The following NTM variants were observed in gnomAD, a reference collection of about 807,000 sequenced individuals.
The protein encoded by NTM is IgLON family member 2.
Under a neutral mutation model 42.1 loss-of-function variants are expected in NTM, and 13 were observed. The ratio of observed to expected loss-of-function variants is 0.31; its 90% CI spans 0.20 to 0.49. The LOEUF is 0.49. NTM is among the 20% of genes least tolerant of loss of function. The pLI, the probability that NTM is intolerant of heterozygous loss-of-function variation, is 0.99. For missense variants in NTM, 373 were observed against 452.8 expected (o/e 0.82, Z 1.60); for synonymous variants, 187 against 179.2 (o/e 1.04, Z -0.35).
intron 1 of NTM, among the ~76,000 whole-genome samples, chr11:131,686,748 C>G (rs1233135922): frequency 6.6e-6 from 1 of 152,188 alleles, no homozygotes; most frequent in Admixed American, 6.5e-5. Flanking sequence ...ACGGCCATAA[C>G]GAGGCTGGCC....
chr11:131,573,777 G>A (rs318956), intron 1 of NTM, among the ~76,000 whole-genome samples: 82,143 of 151,916 alleles, frequency 0.54, 22,462 homozygotes, highest in South Asian at 0.68. Context: ...CCTTTCTCTT[G>A]AAGAGTGAGA....
Position 131,976,116 on chromosome 11 carries a change from A to ATTCCTTCCTTCCTTCCTTCCTTCC in NTM, c.167+64487_167+64510dup, listed in dbSNP as rs373955090. On this transcript the variant is annotated intron_variant, in intron 2 of 8. Coordinates refer to ENST00000683400, the MANE Select transcript of NTM (RefSeq NM_001352005.2). ...CCCTCCTTCCCTCCCTCCCTCCCTC[A>ATTCCTTCCTTCCTTCCTTCCTTCC]TTCCTTCCTTCCTTCCTTCCTTCCT... 9.4e-4 allele frequency among the ~76,000 whole-genome samples: 116 copies of ATTCCTTCCTTCCTTCCTTCCTTCC among 123,866 alleles called. 3 individuals are homozygous for ATTCCTTCCTTCCTTCCTTCCTTCC. The highest frequency in any genetic ancestry group is 2.9e-3 in the East Asian group (11 of 3,836). 81.3% of individuals were successfully genotyped at this position (123,866 alleles called of 152,430 possible).
At chr11:132,322,222 A>G (rs1371946628) in intron 7 of NTM, among the ~76,000 whole-genome samples, 2 of 152,226 alleles carry the variant, frequency 1.3e-5, no homozygotes, top group Admixed American at 1.3e-4. Context: ...CAATTAAAAG[A>G]CACAGACTGA....
At chr11:132,273,243 G>T (rs2093565786) in intron 4 of NTM, among the ~76,000 whole-genome samples, 1 of 148,858 alleles carries the variant, frequency 6.7e-6, no homozygotes, top group African/African-American at 2.5e-5. Flanking sequence ...TTGCATTCCT[G>T]GTAGAAATTC....
intron 1 of NTM, among the ~76,000 whole-genome samples, chr11:131,718,736 C>G (rs1565463975): frequency 6.6e-6 from 1 of 152,098 alleles, no homozygotes; most frequent in Non-Finnish European, 1.5e-5. Context: ...TCTGAGCACT[C>G]TAATGTTCTT....
chr11:131,470,129 C>A (rs1348811046), intron 1 of NTM, among the ~76,000 whole-genome samples: 1 of 152,184 alleles, frequency 6.6e-6, no homozygotes, highest in Admixed American at 6.5e-5. Context: ...ATAGTATGAC[C>A]CTCACGTTAT....
chr11:132,038,554 G>A (rs2076786609), intron 2 of NTM, among the ~76,000 whole-genome samples: 1 of 152,144 alleles, frequency 6.6e-6, no homozygotes, highest in South Asian at 2.1e-4. Flanking sequence ...TTTCCTCCTG[G>A]GGCTGTTTAG....
chr11:131,538,193 C>T (rs1287069737), intron 1 of NTM: 2 of 152,186 alleles, frequency 1.3e-5, no homozygotes, highest in African/African-American at 4.8e-5. Context: ...TACCCTCCCT[C>T]CCCTGTTCCC....
At chr11:132,193,693 G>T (rs1054679982) in intron 3 of NTM, among the ~76,000 whole-genome samples, 1 of 151,762 alleles carries the variant, frequency 6.6e-6, no homozygotes, top group African/African-American at 2.4e-5. Context: ...ATTGAGATGC[G>T]AAAATCCATA....
At chr11:132,085,227 A>G (rs998792048) in intron 2 of NTM, among the ~76,000 whole-genome samples, 37 of 152,312 alleles carry the variant, frequency 2.4e-4, no homozygotes, top group African/African-American at 8.7e-4. Context: ...GTTCTTATAC[A>G]CCTTGCATGT....
intron 1 of NTM, among the ~76,000 whole-genome samples, chr11:131,899,329 CA>C (rs2052768706): frequency 6.6e-6 from 1 of 152,182 alleles, no homozygotes; most frequent in Non-Finnish European, 1.5e-5. Flanking sequence ...TTCTCCTCCT[CA>C]GGGGGCATTT....
At position 131,421,064 on chromosome 11, in the gene NTM, C is replaced by A. The variant is rs76665505; in HGVS notation, c.82+50176C>A. ...CTGGAGTCCAGCACGCAGGCCCCTG[C>A]GGGTGTGAGATGGGCTGGAAGCTTG... is the stretch of plus-strand genomic sequence containing the variant. On this transcript the variant is annotated intron_variant, in intron 1 of 8. Transcript: ENST00000683400. Among the ~76,000 whole-genome samples, 1,400 of 152,210 alleles carry A rather than the reference C, an allele frequency of 9.2e-3. 13 individuals are homozygous for A. Among genetic ancestry groups the A allele is most frequent in the African/African-American group, 0.032 (1,324 of 41,548 alleles).
At chr11:132,302,050 A>G (rs1457768426) in intron 4 of NTM, among the ~76,000 whole-genome samples, 1 of 152,174 alleles carries the variant, frequency 6.6e-6, no homozygotes, top group Non-Finnish European at 1.5e-5. Context: ...AAGGGATGTT[A>G]TGCACACAAG....
chr11:132,274,325 C>T lies in NTM; in HGVS notation c.527-33364C>T, dbSNP rs1211609647. On this transcript the variant is annotated intron_variant, in intron 4 of 8. Coordinates refer to ENST00000683400, the MANE Select transcript of NTM (RefSeq NM_001352005.2). ...TAGGTTATTGATTTAAGGTCACTCTCTTTTTTTTAATATTATAGACATTTA... is the reference window on the plus strand; with the variant it reads ...TAGGTTATTGATTTAAGGTCACTCTTTTTTTTTTAATATTATAGACATTTA... Among the ~76,000 whole-genome samples the T allele has an allele frequency of 1.3e-5, 2 of 151,474 alleles. 1 individual carries two copies. The highest frequency in any genetic ancestry group is 1.3e-4 in the Admixed American group (2 of 15,206).
At chr11:131,609,218 A>G (rs568216618) in intron 1 of NTM, among the ~76,000 whole-genome samples, 2 of 152,190 alleles carry the variant, frequency 1.3e-5, no homozygotes, top group African/African-American at 4.8e-5. Flanking sequence ...CCTTTCCCTG[A>G]GGCACGCAGG....
intron 1 of NTM, among the ~76,000 whole-genome samples, chr11:131,448,567 G>A (rs544368344): frequency 1.6e-4 from 25 of 152,260 alleles, no homozygotes; most frequent in Non-Finnish European, 2.9e-4. Context: ...AAAACCAGCA[G>A]AGGCTGCCTC....
chr11:131,936,377 G>A (rs954445731), intron 2 of NTM, among the ~76,000 whole-genome samples: 1 of 152,162 alleles, frequency 6.6e-6, no homozygotes. Context: ...TGGAAGTGCT[G>A]TTTTCTCCCA....
At chr11:131,469,205 C>T (rs12419035) in intron 1 of NTM, among the ~76,000 whole-genome samples, 34,064 of 152,112 alleles carry the variant, frequency 0.22, 4,316 homozygotes, top group Non-Finnish European at 0.28. Context: ...CCTCTGCTAA[C>T]GTGTGTGGGC....
At chr11:132,070,925 C>T (rs1160629294) in intron 2 of NTM, among the ~76,000 whole-genome samples, 2 of 142,242 alleles carry the variant, frequency 1.4e-5, no homozygotes, top group Non-Finnish European at 3.1e-5. Context: ...TTAGTTAACA[C>T]GTCACACAGC....
Sources: allele counts gnomAD v4.1 joint callset (sites outside exome capture counted in the v4.1 genomes callset), GRCh38; gene constraint gnomAD v4.1.1; transcripts MANE v1.5; gene names NCBI Gene and HGNC (gene_info 2026-07-23, HGNC 2026-07-21).